MYO1F: variants seen among roughly 807,000 people sequenced by gnomAD.
MYO1F encodes the protein myosin IF.
Under a neutral mutation model 146.6 loss-of-function variants are expected in MYO1F, and 60 were observed. The observed-to-expected ratio is 0.41, with a 90% CI of 0.33 to 0.51. The LOEUF (loss-of-function observed/expected upper bound fraction) is 0.51, where lower values mean the gene tolerates loss of function less well. Ranked by LOEUF, MYO1F falls within the 20% of genes least tolerant of loss-of-function variation. MYO1F has a pLI of 0.25. For missense variants in MYO1F, 1,274 were observed against 1,534.3 expected (o/e 0.83, Z 2.83); for synonymous variants, 602 against 602.1 (o/e 1.00, Z 0.00).
At position 8,550,545 on chromosome 19, in the gene MYO1F, CT is replaced by C; in HGVS notation, c.904+16del. On this transcript the variant is annotated intron_variant, in intron 9 of 27. Coordinates refer to ENST00000644032, the MANE Select transcript of MYO1F (RefSeq NM_012335.4). The stretch of plus-strand genomic sequence containing the variant: ...CCCACAGGCCTCCATCCAGCCCTCC[CT>C]GATACCCACACTCACGGTCCACACT... The C allele has an allele frequency of 6.2e-7, 1 of 1,614,160 alleles. No homozygotes were observed. The highest frequency in any genetic ancestry group is 1.6e-4 in the Middle Eastern group (1 of 6,062).
At position 8,547,948 on chromosome 19, in the gene MYO1F, G is replaced by T. The variant is rs1310596497; in HGVS notation, c.1269+88C>A. 16 of 1,302,510 alleles carry T rather than the reference G, an allele frequency of 1.2e-5. No individual in the cohort carries two copies. In the East Asian group the frequency reaches 3.0e-4, roughly 25 times the overall value. The allele number at this position is 1,302,510 out of a possible 1,614,324, so 80.7% of individuals were successfully genotyped here. On this transcript the variant is annotated intron_variant, in intron 12 of 27. Coordinates refer to ENST00000644032, the MANE Select transcript of MYO1F (RefSeq NM_012335.4). ...TGGGAACGCGGTGGGGAGGGCTGGG[G>T]TGTCCCCTAGTTGCTAAGGGATCCT...
intron 19 of MYO1F, among the ~76,000 whole-genome samples, chr19:8,532,905 CA>C (rs1568337684): frequency 3.6e-5 from 1 of 27,432 alleles, no homozygotes; most frequent in Non-Finnish European, 6.6e-5. Flanking sequence ...AAAAAAAATA[CA>C]CACACACACA....
At position 8,568,299 on chromosome 19, in the gene MYO1F, C is replaced by T. The variant is rs548985202; in HGVS notation, c.3+9008G>A. Among the ~76,000 whole-genome samples the T allele has an allele frequency of 8.2e-3, 1,243 of 151,320 alleles. 19 individuals carry two copies. The highest frequency in any genetic ancestry group is 0.028 in the African/African-American group (1,175 of 41,246). On this transcript the variant is annotated intron_variant, in intron 1 of 27. Coordinates refer to ENST00000644032, the MANE Select transcript of MYO1F (RefSeq NM_012335.4). ...TTAGCCAGGTGCGGTGGCGGGCGCC[C>T]GTAGTCCCAGCTCCTCGGGAGGCTG...
At chr19:8,552,625 A>G (rs1294700735) in intron 6 of MYO1F, among the ~76,000 whole-genome samples, 1 of 149,812 alleles carries the variant, frequency 6.7e-6, no homozygotes, top group Non-Finnish European at 1.5e-5. Context: ...GAAGTCTATG[A>G]GATGGATATT....
intron 1 of MYO1F, among the ~76,000 whole-genome samples, chr19:8,555,997 C>T (rs1330035437): frequency 6.6e-6 from 1 of 150,956 alleles, no homozygotes; most frequent in African/African-American, 2.4e-5. Context: ...ATCCAGCCCT[C>T]AGCCCTCTAT....
At chr19:8,561,660 T>A (rs1974137743) in intron 1 of MYO1F, among the ~76,000 whole-genome samples, 1 of 149,954 alleles carries the variant, frequency 6.7e-6, no homozygotes. Flanking sequence ...ATTTTTTCTT[T>A]CCTTCTTTCC....
chr19:8,531,684 TGTG>T (rs1972492287), intron 19 of MYO1F, among the ~76,000 whole-genome samples: 1 of 152,210 alleles, frequency 6.6e-6, no homozygotes, highest in Non-Finnish European at 1.5e-5. Flanking sequence ...ACTTACTACC[TGTG>T]TGCTTTTGCA....
chr19:8,555,000 A>G (rs141730791), intron 2 of MYO1F, among the ~76,000 whole-genome samples: 1,986 of 152,156 alleles, frequency 0.013, 51 homozygotes, highest in African/African-American at 0.045. Context: ...CCTGGCCAAC[A>G]TGGTGAAACC....
rs536075201 is a variant in MYO1F at position 8,523,318 on chromosome 19, C to T, written c.2855-489G>A. 1.1e-4 allele frequency among the ~76,000 whole-genome samples: 17 copies of T among 152,220 alleles called. No individual in the cohort carries two copies. The East Asian group carries it at 1.7e-3, about 16-fold the overall frequency. On this transcript the variant is annotated intron_variant, in intron 25 of 27. Coordinates refer to ENST00000644032, the MANE Select transcript of MYO1F (RefSeq NM_012335.4). ...AAAGTGCTGGGATTACAGGCATGAG[C>T]CACCGCGCCTGGCCAATTATTTTTT... is the stretch of plus-strand genomic sequence containing the variant.
At position 8,553,195 on chromosome 19, in the gene MYO1F, G is replaced by T; in HGVS notation, c.448C>A (p.Leu150Met). 4 of 1,614,244 alleles carry T rather than the reference G, an allele frequency of 2.5e-6. No homozygotes were observed. Among genetic ancestry groups the T allele is most frequent in the Non-Finnish European group, 3.4e-6 (4 of 1,180,046 alleles). Residue 150 changes from leucine (L) to methionine (M), a missense_variant, in exon 6 of 28, where the codon CTG becomes ATG. This residue lies in a region of MYO1F where 900 missense variants were observed against 1,155.1 expected (regional missense o/e 0.78). Coordinates refer to ENST00000644032, the MANE Select transcript of MYO1F (RefSeq NM_012335.4). ...TTGGCGTTGCCGAAGGCCTCGAGCA[G>T]CGGGTTGGACTGCAGGATGATATCT... ...VKDIILQSNP[L>M]LEAFGNAKTV...
At chr19:8,544,509 T>C (rs1241937321) in intron 13 of MYO1F, 45 bp from the exon 14 acceptor site, 1 of 1,586,334 alleles carries the variant, frequency 6.3e-7, no homozygotes, top group Non-Finnish European at 8.5e-7. Flanking sequence ...TTGGTCTGCC[T>C]TGCCTCCCCA....
chr19:8,525,408 G>T, intron 25 of MYO1F, 71 bp downstream of exon 25: 1 of 1,325,416 alleles, frequency 7.5e-7, no homozygotes, highest in Non-Finnish European at 1.1e-6. Context: ...GATTTCGTTT[G>T]CTGAAGGTCT....
chr19:8,556,057 C>T (rs1441993799), intron 1 of MYO1F, among the ~76,000 whole-genome samples: 2 of 151,488 alleles, frequency 1.3e-5, no homozygotes, highest in South Asian at 4.2e-4. Flanking sequence ...GAGACAGAGT[C>T]TCACTCTGTC....
Position 8,527,442 on chromosome 19 carries a change from A to G in MYO1F, c.2370T>C (p.Tyr790=), listed in dbSNP as rs1325023436. The change falls in exon 22 of 28, where the codon TAT becomes TAC. Residue 790 remains tyrosine, a synonymous_variant. Transcript: ENST00000644032. ...RDLILTPKCV[Y]VIGREKVKKG... ...TCTTCACTTTCTCTCGCCCAATCAC[A>G]TACACACACTTGGGCGTCAGGATCA... is the stretch of plus-strand genomic sequence containing the variant. 9.3e-6 allele frequency: 15 copies of G among 1,614,018 alleles called. No homozygotes were observed. In the South Asian group the frequency reaches 1.4e-4, roughly 15 times the overall value.
intron 1 of MYO1F, among the ~76,000 whole-genome samples, chr19:8,571,027 A>G (rs10407838): frequency 0.033 from 4,964 of 152,332 alleles, 273 homozygotes; most frequent in African/African-American, 0.11. Context: ...AATGGTGGCC[A>G]TGAGCTGGCC....
rs376380813 is a variant in MYO1F at position 8,522,407 on chromosome 19, C to T, written c.3190G>A (p.Val1064Met). Residue 1064 changes from valine to methionine, a missense_variant, in exon 27 of 28, where the codon GTG becomes ATG. By Grantham distance (21) the Val-to-Met change is conservative. Transcript: ENST00000644032. Reference sequence around the variant, plus strand: ...ATGAGGATCTCAATGACCTCGTTCACGTTGAAGCTCAGCTCGTCCACATCT... The same window carrying T: ...ATGAGGATCTCAATGACCTCGTTCATGTTGAAGCTCAGCTCGTCCACATCT... ...GQDVDELSFN[V>M]NEVIEILMED... 132 of 1,614,174 alleles carry T rather than the reference C, an allele frequency of 8.2e-5. No individual in the cohort carries two copies. The highest frequency in any genetic ancestry group is 9.9e-5 in the South Asian group (9 of 91,090).
In MYO1F at chr19:8,577,252, C is replaced by G. The variant is rs544469178; in HGVS notation, c.3+55G>C. The G allele has an allele frequency of 1.9e-6, 3 of 1,603,704 alleles. No individual in the cohort carries two copies. In the African/African-American group the frequency reaches 4.0e-5, roughly 21 times the overall value. Reference sequence around the variant, plus strand: ...GATGGTCATTTTTAGGACACCTCCACCTGGCTGGTGTCCCTCCTCTTTCTT... The same window carrying G: ...GATGGTCATTTTTAGGACACCTCCAGCTGGCTGGTGTCCCTCCTCTTTCTT... On this transcript the variant is annotated intron_variant, in intron 1 of 27. Transcript: ENST00000644032. This position sits in a 1 kb window ranked among gnomAD's most constrained non-coding sequence, Gnocchi z 4.3.
rs749709330 is a variant in MYO1F at position 8,551,776 on chromosome 19, G to A, written c.735C>T (p.Asp245=). Residue 245 remains aspartate (D), a synonymous_variant, in exon 8 of 28, where the codon GAC becomes GAT. Coordinates refer to ENST00000644032, the MANE Select transcript of MYO1F (RefSeq NM_012335.4). The part of the protein sequence containing the change: ...YLNQSDTYQV[D]GTDDRSDFGE... Reference sequence around the variant, plus strand: ...CAAAGTCGCTTCTGTCGTCCGTGCCGTCCACCTGGTAGGTGTCCGATTGGT... The same window carrying A: ...CAAAGTCGCTTCTGTCGTCCGTGCCATCCACCTGGTAGGTGTCCGATTGGT... 8.1e-5 allele frequency: 130 copies of A among 1,614,036 alleles called. No individual in the cohort carries two copies. The highest frequency in any genetic ancestry group is 1.5e-4 in the African/African-American group (11 of 74,918).
chr19:8,576,890 G>A (rs557131769), intron 1 of MYO1F: 1 of 275,856 alleles, frequency 3.6e-6, no homozygotes, highest in Non-Finnish European at 7.0e-6. Flanking sequence ...TTCCAAATAT[G>A]ACATCTGTGG....
Sources: gnomAD v4.1 joint callset for allele counts (sites outside exome capture counted in the v4.1 genomes callset) on GRCh38, gnomAD v4.1.1 for gene constraint, gnomAD v4.1.1 regional missense constraint, Gnocchi (gnomAD v3.1) non-coding constraint, MANE v1.5 for transcripts, NCBI Gene and HGNC (gene_info 2026-07-23, HGNC 2026-07-21) for gene names.